Variants in PIP5K1A observed in about 807,000 individuals in gnomAD.
PIP5K1A encodes the protein phosphatidylinositol-4-phosphate 5-kinase type 1 alpha.
Under a neutral mutation model 72.9 loss-of-function variants are expected in PIP5K1A, and 46 were observed. That is an observed-to-expected ratio of 0.63 (90% CI 0.50 to 0.81). The LOEUF (loss-of-function observed/expected upper bound fraction) is 0.81. Ranked by LOEUF, PIP5K1A falls within the 30% of genes least tolerant of loss-of-function variation. The pLI is 0.00. For synonymous variants in PIP5K1A, 228 were observed against 255.1 expected, an observed-to-expected ratio of 0.89 and a Z score of 1.01; for missense variants, 458 against 706.1, an observed-to-expected ratio of 0.65 and a Z score of 3.98.
intron 1 of PIP5K1A, among the ~76,000 whole-genome samples, chr1:151,205,340 T>A (rs1330549606): frequency 6.6e-6 from 1 of 152,034 alleles, no homozygotes; most frequent in Non-Finnish European, 1.5e-5. Context: ...CACGCCCAGA[T>A]AATTTTTGTA....
chr1:151,227,058 T>A (rs1326986351), intron 3 of PIP5K1A, among the ~76,000 whole-genome samples: 1 of 152,198 alleles, frequency 6.6e-6, no homozygotes, highest in African/African-American at 2.4e-5. Flanking sequence ...TACTCACTTT[T>A]ATTTTCTGTG....
chr1:151,200,421 TG>T (rs1572118563), intron 1 of PIP5K1A, among the ~76,000 whole-genome samples: 1 of 9,612 alleles, frequency 1.0e-4, no homozygotes, highest in South Asian at 4.5e-3. Context: ...GTGTGTCGGG[TG>T]GGGGGGCGGG....
chr1:151,234,437 C>G lies in PIP5K1A; in HGVS notation c.880C>G (p.Leu294Val), dbSNP rs1690561842. 10 of 1,613,900 alleles carry G rather than the reference C, an allele frequency of 6.2e-6. No homozygotes were observed. Among genetic ancestry groups the G allele is most frequent in the Non-Finnish European group, 7.6e-6 (9 of 1,179,796 alleles). ...CTTCTTACAAGACATCCCTGATGGT[C>G]TTTTTTTGGATGCTGACATGTACAA... is the stretch of plus-strand genomic sequence containing the variant. ...LDFLQDIPDGLFLDADMYNAL... is the reference protein window; with the variant it reads ...LDFLQDIPDGVFLDADMYNAL... The change falls in exon 8 of 16, where the codon CTT becomes GTT. Residue 294 changes from leucine (L) to valine (V), a missense_variant. Around this residue, in one of 3 missense-constraint regions of PIP5K1A, gnomAD observed 220 missense variants for 442.6 expected, o/e 0.50. Coordinates refer to ENST00000368888, the MANE Select transcript of PIP5K1A (RefSeq NM_001135638.2).
chr1:151,210,002 G>C (rs1003149441), intron 1 of PIP5K1A, among the ~76,000 whole-genome samples: 3 of 151,820 alleles, frequency 2.0e-5, no homozygotes, highest in Non-Finnish European at 4.4e-5. Context: ...TTGTGCCTCT[G>C]CCTCTCGAGT....
At chr1:151,223,975 A>G (rs1360624376) in intron 1 of PIP5K1A, 3 of 525,312 alleles carry the variant, frequency 5.7e-6, no homozygotes, top group South Asian at 5.2e-5. Context: ...CTCAAAAAAA[A>G]AGAAAAAGTT....
chr1:151,217,824 G>A (rs1374732706), intron 1 of PIP5K1A, among the ~76,000 whole-genome samples: 2 of 151,346 alleles, frequency 1.3e-5, no homozygotes, highest in Non-Finnish European at 2.9e-5. Context: ...CTGTTGCCCA[G>A]GCTGGAGTGC....
intron 1 of PIP5K1A, among the ~76,000 whole-genome samples, chr1:151,203,460 CAG>C (rs761611507): frequency 6.7e-6 from 1 of 148,822 alleles, no homozygotes; most frequent in Non-Finnish European, 1.5e-5. Flanking sequence ...ACCCGGGGGA[CAG>C]AGGTTGCAAT....
Position 151,198,616 on chromosome 1 carries a change from A to G in PIP5K1A, c.-381A>G, listed in dbSNP as rs928559925. The G allele has an allele frequency of 2.2e-5, 5 of 226,274 alleles. No homozygotes were observed. Among genetic ancestry groups the G allele is most frequent in the South Asian group, 7.5e-5 (1 of 13,330 alleles). The allele number at this position is 226,274 out of a possible 1,614,324, so 14.0% of individuals were successfully genotyped here. On this transcript the variant is annotated 5_prime_UTR_variant, in exon 1 of 16. Transcript: ENST00000368888. ...GGGCGATTAACAGGCCGTGGTTAGGAAGGACGGAGAAGGGGCGTTCGCTCC... is the reference window on the plus strand; with the variant it reads ...GGGCGATTAACAGGCCGTGGTTAGGGAGGACGGAGAAGGGGCGTTCGCTCC...
At chr1:151,238,466 C>G (rs207460430) in intron 10 of PIP5K1A, 37 of 548,522 alleles carry the variant, frequency 6.7e-5, no homozygotes, top group Admixed American at 2.4e-4. Context: ...CTTCCTCCCC[C>G]ATCTCCCCAG....
chr1:151,232,855 CT>C (rs1690293127), intron 7 of PIP5K1A, 152 bp downstream of exon 7: 2 of 613,766 alleles, frequency 3.3e-6, no homozygotes, highest in Non-Finnish European at 5.6e-6. Flanking sequence ...AATCCCAGGA[CT>C]TTGGGAGGCC....
chr1:151,226,051 T>A (rs951467983), intron 3 of PIP5K1A, among the ~76,000 whole-genome samples: 2 of 151,252 alleles, frequency 1.3e-5, no homozygotes, highest in Middle Eastern at 3.4e-3. Context: ...GTAGCTGAGA[T>A]TACAGGTGCA....
At chr1:151,197,053 G>T (rs1684616192), upstream of PIP5K1A, among the ~76,000 whole-genome samples, 1 of 148,488 alleles carries the variant, frequency 6.7e-6, no homozygotes, top group African/African-American at 2.5e-5. Context: ...GTAGAGACGC[G>T]GTTTCACTAT....
chr1:151,232,701 A>G lies in PIP5K1A; in HGVS notation c.637A>G (p.Met213Val), dbSNP rs1690267457. The G allele has an allele frequency of 6.2e-7, 1 of 1,613,392 alleles. No homozygotes were observed. Residue 213 changes from methionine (M) to valine (V), a missense_variant and splice_region_variant, in exon 7 of 16, where the codon ATG becomes GTG. Met to Val is a conservative substitution (Grantham distance 21). Coordinates refer to ENST00000368888, the MANE Select transcript of PIP5K1A (RefSeq NM_001135638.2). ...GCAGAAGCTGCTTCCAGGATACTACATGGTAAGGGAGAGAGAAGCACTGTC... is the reference window on the plus strand; with the variant it reads ...GCAGAAGCTGCTTCCAGGATACTACGTGGTAAGGGAGAGAGAAGCACTGTC... ...FLQKLLPGYY[M>V]NLNQNPRTLL...
intron 1 of PIP5K1A, among the ~76,000 whole-genome samples, chr1:151,205,236 T>C (rs1167919232): frequency 6.6e-6 from 1 of 152,122 alleles, no homozygotes; most frequent in Non-Finnish European, 1.5e-5. Context: ...AGTGCAGTGG[T>C]GCGATCTTGG....
intron 4 of PIP5K1A, among the ~76,000 whole-genome samples, chr1:151,228,475 T>C (rs1689490868): frequency 6.6e-6 from 1 of 152,164 alleles, no homozygotes; most frequent in African/African-American, 2.4e-5. Context: ...AAGACAGTCA[T>C]TTAGCTGGCG....
intron 1 of PIP5K1A, among the ~76,000 whole-genome samples, chr1:151,216,781 G>A (rs1687693551): frequency 6.6e-6 from 1 of 151,680 alleles, no homozygotes; most frequent in Admixed American, 6.6e-5. Context: ...GTAACTTGTT[G>A]AATTCTCATA....
At chr1:151,224,068 A>G in intron 1 of PIP5K1A, 177 bp from the exon 2 acceptor site, 2 of 635,088 alleles carry the variant, frequency 3.1e-6, no homozygotes, top group African/African-American at 1.8e-5. Context: ...CTATGTGAGT[A>G]TGGAGAAGGA....
intron 1 of PIP5K1A, among the ~76,000 whole-genome samples, chr1:151,205,032 A>G (rs1366587857): frequency 6.6e-6 from 1 of 152,184 alleles, no homozygotes; most frequent in Non-Finnish European, 1.5e-5. Flanking sequence ...ATATTTTATT[A>G]GCCTGTTTTT....
chr1:151,244,232 A>T (rs1436467454), intron 14 of PIP5K1A, among the ~76,000 whole-genome samples: 1 of 151,864 alleles, frequency 6.6e-6, no homozygotes, highest in East Asian at 1.9e-4. Flanking sequence ...TATGTACTGT[A>T]CAGTTAGGCC....
Sources: allele counts gnomAD v4.1 joint callset (sites outside exome capture counted in the v4.1 genomes callset), GRCh38; gene constraint gnomAD v4.1.1; regional missense constraint gnomAD v4.1.1; transcripts MANE v1.5; gene names NCBI Gene and HGNC (gene_info 2026-07-23, HGNC 2026-07-21).